Variants in CACNA1C observed in about 807,000 individuals in gnomAD.
CACNA1C encodes calcium voltage-gated channel subunit alpha1 C.
In CACNA1C, 30 loss-of-function variants were observed where a neutral mutation model predicts 229.0. That is an observed-to-expected ratio of 0.13 (90% CI 0.10 to 0.18). The LOEUF (loss-of-function observed/expected upper bound fraction) is 0.18, where lower values mean the gene tolerates loss of function less well. Ranked by LOEUF, CACNA1C falls within the 10% of genes least tolerant of loss-of-function variation. The pLI is 1.00. For synonymous variants in CACNA1C, 1,114 were observed against 1,132.5 expected, an observed-to-expected ratio of 0.98 and a Z score of 0.33; for missense variants, 1,658 against 2,845.0, an observed-to-expected ratio of 0.58 and a Z score of 9.49.
intron 3 of CACNA1C, among the ~76,000 whole-genome samples, chr12:2,295,505 C>A (rs1233889058): frequency 6.6e-6 from 1 of 152,164 alleles, no homozygotes; most frequent in Non-Finnish European, 1.5e-5. Context: ...TCTTGTACTT[C>A]CTTTAGTCCC....
intron 18 of CACNA1C, among the ~76,000 whole-genome samples, chr12:2,591,494 A>G (rs2065290317): frequency 6.6e-6 from 1 of 152,182 alleles, no homozygotes; most frequent in African/African-American, 2.4e-5. Context: ...ATCAGTCATC[A>G]AGGTACTGGA....
At chr12:2,392,608 GA>G (rs2154549027) in intron 3 of CACNA1C, among the ~76,000 whole-genome samples, 1 of 152,316 alleles carries the variant, frequency 6.6e-6, no homozygotes, top group East Asian at 1.9e-4. Flanking sequence ...TTATTCTTTA[GA>G]GGGGATTTGT....
At chr12:2,261,481 A>G (rs186154414) in intron 3 of CACNA1C, among the ~76,000 whole-genome samples, 3 of 152,200 alleles carry the variant, frequency 2.0e-5, no homozygotes, top group Non-Finnish European at 4.4e-5. Flanking sequence ...AGAGCATTAC[A>G]GTGAAAATGT....
intron 3 of CACNA1C, among the ~76,000 whole-genome samples, chr12:2,176,889 G>T (rs565949280): frequency 6.6e-6 from 1 of 152,314 alleles, no homozygotes; most frequent in Admixed American, 6.5e-5. Context: ...CATCACTGAA[G>T]AATTGGCATT....
upstream of CACNA1C, among the ~76,000 whole-genome samples, chr12:2,052,381 G>C (rs923961467): frequency 1.3e-5 from 2 of 152,024 alleles, no homozygotes; most frequent in Admixed American, 1.3e-4. Flanking sequence ...CAGAATCACG[G>C]AATCACGGCT....
intron 3 of CACNA1C, among the ~76,000 whole-genome samples, chr12:2,336,833 G>C (rs977808195): frequency 1.6e-4 from 24 of 152,156 alleles, no homozygotes; most frequent in Non-Finnish European, 2.9e-4. Flanking sequence ...GGCAGCAGTG[G>C]TGGGAGAAAG....
chr12:2,349,371 C>T (rs879864429), intron 3 of CACNA1C, among the ~76,000 whole-genome samples: 4 of 152,040 alleles, frequency 2.6e-5, no homozygotes, highest in Non-Finnish European at 4.4e-5. Context: ...TCAACAGACT[C>T]GCAGGGAGAT....
chr12:2,007,470 C>T (rs2043665377), intron 1 of CACNA1C, among the ~76,000 whole-genome samples: 1 of 152,182 alleles, frequency 6.6e-6, no homozygotes, highest in East Asian at 1.9e-4. Flanking sequence ...ATGGAGTGCT[C>T]ACTTGATGAA....
At chr12:2,434,876 C>G (rs1469398632) in intron 3 of CACNA1C, among the ~76,000 whole-genome samples, 1 of 152,226 alleles carries the variant, frequency 6.6e-6, no homozygotes, top group African/African-American at 2.4e-5. Flanking sequence ...AGAGGTCTCC[C>G]CACTTCAGTC....
At chr12:2,350,549 T>G (rs569064537) in intron 3 of CACNA1C, among the ~76,000 whole-genome samples, 2 of 152,282 alleles carry the variant, frequency 1.3e-5, no homozygotes, top group Admixed American at 1.3e-4. Flanking sequence ...GGCCTGAATG[T>G]GTCCACAATG....
At chr12:2,655,266 GAT>G in intron 34 of CACNA1C, 28 bp downstream of exon 34, 1 of 1,349,956 alleles carries the variant, frequency 7.4e-7, no homozygotes, top group Non-Finnish European at 1.1e-6. Context: ...TAGGTGCACA[GAT>G]ACACACACAC....
At chr12:2,518,020 C>A (rs1598674119) in intron 9 of CACNA1C, among the ~76,000 whole-genome samples, 1 of 152,184 alleles carries the variant, frequency 6.6e-6, no homozygotes, top group Non-Finnish European at 1.5e-5. Context: ...ACAGTGGAAC[C>A]AAAATATTGA....
rs556971111 is a variant in CACNA1C at position 2,679,817 on chromosome 12, C to T, written c.5444+21C>T. 3 of 1,509,306 alleles carry T rather than the reference C, an allele frequency of 2.0e-6. No individual in the cohort carries two copies. The highest frequency in any genetic ancestry group is 4.9e-5 in the East Asian group (2 of 40,670). The allele number at this position is 1,509,306 out of a possible 1,614,324, so 93.5% of individuals were successfully genotyped here. A position where few individuals can be genotyped will look rare whatever the true frequency, so the allele number is the denominator to read the frequency against. On this transcript the variant is annotated intron_variant, in intron 42 of 46. Transcript: ENST00000399655. This position sits in a 1 kb window ranked among gnomAD's most constrained non-coding sequence, Gnocchi z 5.5. ...AACAGGTAAGTGGGAGGCTGGCCAC[C>T]CCAGGCGGCACACAGGGCCCACGTG... is the stretch of plus-strand genomic sequence containing the variant.
intron 9 of CACNA1C, among the ~76,000 whole-genome samples, chr12:2,527,611 A>G (rs2099822180): frequency 6.6e-6 from 1 of 152,240 alleles, no homozygotes. Context: ...CACAGGAGCA[A>G]GAAGAAATTA....
chr12:2,201,442 G>A (rs956489392), intron 3 of CACNA1C, among the ~76,000 whole-genome samples: 2 of 152,140 alleles, frequency 1.3e-5, no homozygotes, highest in Non-Finnish European at 2.9e-5. Context: ...CCTCCTCTTA[G>A]GAGTCGCATG....
intron 3 of CACNA1C, among the ~76,000 whole-genome samples, chr12:2,251,274 A>C (rs1017092396): frequency 6.6e-6 from 1 of 152,174 alleles, no homozygotes; most frequent in African/African-American, 2.4e-5. Flanking sequence ...AGTGTGGTCT[A>C]CTGACATGTC....
At chr12:2,622,285 C>T (rs943842928) in intron 29 of CACNA1C, among the ~76,000 whole-genome samples, 1 of 152,184 alleles carries the variant, frequency 6.6e-6, no homozygotes, top group African/African-American at 2.4e-5. Context: ...TGTGCAGGCC[C>T]TTCAGGACCA....
intron 3 of CACNA1C, among the ~76,000 whole-genome samples, chr12:2,258,001 A>G (rs561960827): frequency 7.9e-5 from 12 of 152,222 alleles, no homozygotes; most frequent in Admixed American, 7.9e-4. Flanking sequence ...GTGCACTCCC[A>G]CTCTGCAGTA....
intron 3 of CACNA1C, among the ~76,000 whole-genome samples, chr12:2,351,792 G>A (rs1187119482): frequency 2.0e-5 from 3 of 151,966 alleles, no homozygotes; most frequent in Admixed American, 6.6e-5. Flanking sequence ...TGCTTCCTTG[G>A]GCTGCCCCTT....
Sources: gnomAD v4.1 joint callset for allele counts (sites outside exome capture counted in the v4.1 genomes callset) on GRCh38, gnomAD v4.1.1 for gene constraint, Gnocchi (gnomAD v3.1) non-coding constraint, MANE v1.5 for transcripts, NCBI Gene and HGNC (gene_info 2026-07-23, HGNC 2026-07-21) for gene names.